The following RUFY3 variants were observed in gnomAD, a reference collection of about 807,000 sequenced individuals.
The protein encoded by RUFY3 is protein RUFY3.
In RUFY3, 34 loss-of-function variants were observed where a neutral mutation model predicts 84.0. The ratio of observed to expected loss-of-function variants is 0.40; its 90% confidence interval spans 0.31 to 0.54. RUFY3 has a LOEUF of 0.54. Ranked by LOEUF, RUFY3 falls within the 20% of genes least tolerant of loss-of-function variation. The pLI, the probability that RUFY3 is intolerant of heterozygous loss-of-function variation, is 0.39. For missense variants in RUFY3, 507 were observed against 736.8 expected (o/e 0.69, Z 3.61); for synonymous variants, 242 against 252.9 (o/e 0.96, Z 0.41).
At chr4:70,719,057 A>T (rs1376449221), upstream of RUFY3, among the ~76,000 whole-genome samples, 6 of 152,236 alleles carry the variant, frequency 3.9e-5, no homozygotes, top group Admixed American at 3.3e-4. Context: ...CACTGTTTTC[A>T]TAGTAACTTC....
At chr4:70,802,025 T>C (rs1732293661) in intron 15 of RUFY3, among the ~76,000 whole-genome samples, 1 of 152,248 alleles carries the variant, frequency 6.6e-6, no homozygotes, top group African/African-American at 2.4e-5. Context: ...TCACATTTAT[T>C]ATCTCCTTAT....
chr4:70,803,102 C>T, intron 16 of RUFY3, 119 bp downstream of exon 16: 1 of 684,314 alleles, frequency 1.5e-6, no homozygotes, highest in South Asian at 1.9e-5. Context: ...TGCCATCCTT[C>T]TAACAATACC....
intron 1 of RUFY3, among the ~76,000 whole-genome samples, chr4:70,727,038 CCT>C (rs1718374029): frequency 7.8e-6 from 1 of 128,756 alleles, no homozygotes. Flanking sequence ...GGATTTCTTT[CCT>C]TTTTTTTTTT....
rs577748012 is a variant in RUFY3, at chr4:70,726,470, C to G, written c.178+3719C>G. 9.2e-5 allele frequency among the ~76,000 whole-genome samples: 14 copies of G among 152,294 alleles called. No individual in the cohort carries two copies. The South Asian group carries it at 2.9e-3, about 32-fold the overall frequency. On this transcript the variant is annotated intron_variant, in intron 1 of 17. Transcript: ENST00000381006. ...CTCCACCTCCCAGGTTCAAGCAATTCTCCTTAACTCAGACTCTCCAGACTC... is the reference window on the plus strand; with the variant it reads ...CTCCACCTCCCAGGTTCAAGCAATTGTCCTTAACTCAGACTCTCCAGACTC...
rs535484491 is a variant in RUFY3 at position 70,737,560 on chromosome 4, C to A, written c.178+14809C>A. 2.0e-5 allele frequency among the ~76,000 whole-genome samples: 3 copies of A among 152,214 alleles called. No homozygotes were observed. The South Asian group carries it at 6.2e-4, about 32-fold the overall frequency. On this transcript the variant is annotated intron_variant, in intron 1 of 17. Coordinates refer to ENST00000381006, the MANE Select transcript of RUFY3 (RefSeq NM_001037442.4). ...CAAAGGGTCTACTGGTCAGGGCTTT[C>A]TTTCCTCATCCGCTCACCCCCCATC...
intron 10 of RUFY3, among the ~76,000 whole-genome samples, chr4:70,788,478 A>G (rs1003590354): frequency 7.9e-5 from 12 of 152,176 alleles, no homozygotes; most frequent in African/African-American, 2.4e-4. Flanking sequence ...GTATATTTCT[A>G]TAATAAGATA....
chr4:70,743,544 T>G (rs1234798520), intron 1 of RUFY3, among the ~76,000 whole-genome samples: 1 of 152,184 alleles, frequency 6.6e-6, no homozygotes, highest in Non-Finnish European at 1.5e-5. Flanking sequence ...GTATTAATAA[T>G]GCAAGAGTCA....
At chr4:70,735,858 G>T (rs1720189031) in intron 1 of RUFY3, among the ~76,000 whole-genome samples, 1 of 151,988 alleles carries the variant, frequency 6.6e-6, no homozygotes, top group African/African-American at 2.4e-5. Flanking sequence ...CATGGTGGCG[G>T]ATACTTGCAA....
At chr4:70,801,053 A>G (rs1732163155) in intron 15 of RUFY3, among the ~76,000 whole-genome samples, 1 of 151,990 alleles carries the variant, frequency 6.6e-6, no homozygotes, top group South Asian at 2.1e-4. Flanking sequence ...GACTTTTTAT[A>G]GTTATTTTAG....
intron 9 of RUFY3, 143 bp downstream of exon 9, chr4:70,783,326 T>C (rs1160701004): frequency 1.4e-5 from 9 of 643,750 alleles, no homozygotes; most frequent in Non-Finnish European, 2.5e-5. Flanking sequence ...AATTGTGTGA[T>C]GAAGGTTGTG....
Position 70,788,854 on chromosome 4 carries a change from G to A in RUFY3, c.1120G>A (p.Glu374Lys). Reference protein sequence around the residue: ...EMQISMRQEMELAMKMLEKDV... With the variant: ...EMQISMRQEMKLAMKMLEKDV... ...GCAGATCAGCATGAGGCAGGAGATG[G>A]AATTGGCTATGAAGATGCTGGAGAA... The change falls in exon 11 of 18, where the codon GAA (glutamate) becomes AAA (lysine). Residue 374 changes from glutamate to lysine, a missense_variant. Around this residue, in one of 4 missense-constraint regions of RUFY3, gnomAD observed 334 missense variants for 364.1 expected, o/e 0.92. Coordinates refer to ENST00000381006, the MANE Select transcript of RUFY3 (RefSeq NM_001037442.4). 1 of 1,614,162 alleles carries A rather than the reference G, an allele frequency of 6.2e-7. No homozygotes were observed. The highest frequency in any genetic ancestry group is 1.1e-5 in the South Asian group (1 of 91,082).
chr4:70,742,551 C>T (rs532278517), intron 1 of RUFY3, among the ~76,000 whole-genome samples: 1 of 152,318 alleles, frequency 6.6e-6, no homozygotes, highest in South Asian at 2.1e-4. Context: ...CCACAATTTA[C>T]TCTTTGACAG....
At chr4:70,708,595 A>G (rs946380314) in intron 1 of RUFY3, among the ~76,000 whole-genome samples, 9 of 152,228 alleles carry the variant, frequency 5.9e-5, no homozygotes, top group African/African-American at 9.6e-5. Context: ...TGTATTTGCT[A>G]AAAGTATATA....
chr4:70,805,112 A>G (rs1732704782), intron 17 of RUFY3, among the ~76,000 whole-genome samples: 1 of 152,240 alleles, frequency 6.6e-6, no homozygotes, highest in African/African-American at 2.4e-5. Flanking sequence ...TTATAGATGA[A>G]GAACGTTGAA....
intron 1 of RUFY3, among the ~76,000 whole-genome samples, chr4:70,707,666 TC>T (rs764077779): frequency 1.8e-4 from 27 of 151,952 alleles, no homozygotes; most frequent in Admixed American, 6.6e-5. Context: ...GTGTCCCACT[TC>T]CTCTGCTTTT....
intron 12 of RUFY3, chr4:70,791,182 T>G (rs776959367): frequency 1.3e-6 from 2 of 1,536,626 alleles, no homozygotes; most frequent in Non-Finnish European, 1.8e-6. Flanking sequence ...TTATCCATTT[T>G]CTCATTCTCC....
At chr4:70,764,628 A>G (rs1725541548) in intron 4 of RUFY3, 52 bp downstream of exon 4, 3 of 1,072,480 alleles carry the variant, frequency 2.8e-6, no homozygotes, top group African/African-American at 1.6e-5. Context: ...TCTACATCGT[A>G]TAAAGTCAAA....
chr4:70,799,162 G>C (rs1355213500), intron 14 of RUFY3, among the ~76,000 whole-genome samples: 1 of 148,686 alleles, frequency 6.7e-6, no homozygotes, highest in African/African-American at 2.5e-5. Flanking sequence ...AAAAAAAAAA[G>C]AGAAAAGAAA....
chr4:70,755,573 C>T (rs745655357), intron 1 of RUFY3, among the ~76,000 whole-genome samples: 5 of 152,230 alleles, frequency 3.3e-5, no homozygotes, highest in Middle Eastern at 3.4e-3. Flanking sequence ...AAATGAGCTA[C>T]ATGACTCTGT....
Sources: gnomAD v4.1 joint callset for allele counts (sites outside exome capture counted in the v4.1 genomes callset) on GRCh38, gnomAD v4.1.1 for gene constraint, gnomAD v4.1.1 regional missense constraint, MANE v1.5 for transcripts, NCBI Gene and HGNC (gene_info 2026-07-23, HGNC 2026-07-21) for gene names.